NEK7: variants seen among roughly 807,000 people sequenced by gnomAD.
NEK7 encodes serine/threonine-protein kinase Nek7.
A neutral mutation model predicts 44.6 loss-of-function variants in NEK7; 18 were observed. That is an observed-to-expected ratio of 0.40 (90% CI 0.28 to 0.60). The LOEUF (loss-of-function observed/expected upper bound fraction) is 0.60. NEK7 is among the 20% of genes least tolerant of loss of function. NEK7 has a pLI of 0.38. For synonymous variants in NEK7, 130 were observed against 121.1 expected (o/e 1.07, Z -0.48); for missense variants, 256 against 366.5 (o/e 0.70, Z 2.46).
In NEK7 at chr1:198,210,735, G is replaced by A. The variant is rs1454359566; in HGVS notation, c.-28-21818G>A. 1.3e-4 allele frequency among the ~76,000 whole-genome samples: 11 copies of A among 84,832 alleles called. No individual in the cohort carries two copies. In the South Asian group the frequency reaches 4.1e-3, roughly 32 times the overall value. 55.7% of individuals were successfully genotyped at this position (84,832 alleles called of 152,430 possible). ...TTATATGTCATTGTCCCTTCAATTTGTATTTCTTTTTTTTTTTTTTTTTTT... is the reference window on the plus strand; with the variant it reads ...TTATATGTCATTGTCCCTTCAATTTATATTTCTTTTTTTTTTTTTTTTTTT... On this transcript the variant is annotated intron_variant, in intron 1 of 9. Coordinates refer to ENST00000367385, the MANE Select transcript of NEK7 (RefSeq NM_133494.3).
intron 9 of NEK7, among the ~76,000 whole-genome samples, chr1:198,315,657 A>C (rs1655347365): frequency 6.6e-6 from 1 of 152,182 alleles, no homozygotes; most frequent in African/African-American, 2.4e-5. Flanking sequence ...AGGTTTAAGG[A>C]GCCTGAGACC....
At position 198,259,563 on chromosome 1, in the gene NEK7, TATG is replaced by T. The variant is rs141371502; in HGVS notation, c.199-3008_199-3006del. ...ATTTCCTGAGAATGGCATCAGCATT[TATG>T]ATGTGTCAAGAATCAGTTATTTCTC... On this transcript the variant is annotated intron_variant, in intron 3 of 9. Coordinates refer to ENST00000367385, the MANE Select transcript of NEK7 (RefSeq NM_133494.3). Among the ~76,000 whole-genome samples, 1,047 of 152,334 alleles carry T rather than the reference TATG, an allele frequency of 6.9e-3. 10 individuals carry two copies. Among genetic ancestry groups the T allele is most frequent in the African/African-American group, 0.02 (814 of 41,582 alleles).
intron 1 of NEK7, among the ~76,000 whole-genome samples, chr1:198,229,399 C>T (rs1301736882): frequency 6.6e-6 from 1 of 152,166 alleles, no homozygotes; most frequent in East Asian, 1.9e-4. Context: ...GTGAGCCGCT[C>T]TGGCAAATAA....
At chr1:198,229,478 G>A (rs139263818) in intron 1 of NEK7, among the ~76,000 whole-genome samples, 6 of 152,310 alleles carry the variant, frequency 3.9e-5, no homozygotes, top group South Asian at 2.1e-4. Context: ...CCAGAGGCTC[G>A]GACTGTGACT....
rs35485996 is a variant in NEK7 at position 198,217,840 on chromosome 1, TAAA to T, written c.-28-14699_-28-14697del. Among the ~76,000 whole-genome samples, 8 of 107,256 alleles carry T rather than the reference TAAA, an allele frequency of 7.5e-5. No homozygotes were observed. In the East Asian group the frequency reaches 1.5e-3, roughly 20 times the overall value. The allele number at this position is 107,256 out of a possible 152,430, so 70.4% of individuals were successfully genotyped here. A position where few individuals can be genotyped will look rare whatever the true frequency, so the allele number is the denominator to read the frequency against. ...ACACAATCCGTTTTTACAATAGCTA[TAAA>T]AAAAAAAAAAAAAGCCCCAAGCCTA... On this transcript the variant is annotated intron_variant, in intron 1 of 9. Transcript: ENST00000367385.
intron 2 of NEK7, among the ~76,000 whole-genome samples, chr1:198,250,360 C>T (rs1413429355): frequency 6.6e-5 from 10 of 151,868 alleles, no homozygotes; most frequent in African/African-American, 1.7e-4. Context: ...CTTGGCGATG[C>T]GGGCTCTTTT....
intron 3 of NEK7, among the ~76,000 whole-genome samples, chr1:198,259,993 A>G (rs1049277827): frequency 1.3e-5 from 2 of 152,180 alleles, no homozygotes. Flanking sequence ...TGCATTCTGC[A>G]TCTGACACTG....
chr1:198,261,065 A>G (rs1653446442), intron 3 of NEK7, among the ~76,000 whole-genome samples: 1 of 151,970 alleles, frequency 6.6e-6, no homozygotes, highest in Non-Finnish European at 1.5e-5. Flanking sequence ...CTTATTCCAT[A>G]TTTACTTTTA....
intron 1 of NEK7, among the ~76,000 whole-genome samples, chr1:198,169,122 TA>T (rs1205958911): frequency 4.6e-5 from 7 of 152,212 alleles, no homozygotes; most frequent in Admixed American, 6.5e-5. Flanking sequence ...TGTTAGTTTT[TA>T]AAAAAATCTA....
intron 1 of NEK7, among the ~76,000 whole-genome samples, chr1:198,173,999 A>G (rs1432095095): frequency 6.6e-6 from 1 of 152,210 alleles, no homozygotes; most frequent in Non-Finnish European, 1.5e-5. Flanking sequence ...GCATGATTTT[A>G]TAGTCTGTGC....
In NEK7 at chr1:198,321,567, C is replaced by T. The variant is rs778340627; in HGVS notation, c.*2045C>T. 7 of 152,006 alleles carry T rather than the reference C, an allele frequency of 4.6e-5. No homozygotes were observed. The highest frequency in any genetic ancestry group is 8.8e-5 in the Non-Finnish European group (6 of 67,964). The allele number at this position is 152,006 out of a possible 1,614,324, so 9.4% of individuals were successfully genotyped here. ...AGTAACTTTTAAGTAAAGATTAAAG[C>T]TTTTCTTCTCAGTGAATATATCTGC... On this transcript the variant is annotated 3_prime_UTR_variant, in exon 10 of 10. Transcript: ENST00000367385.
At chr1:198,279,629 A>G (rs1047384744) in intron 7 of NEK7, among the ~76,000 whole-genome samples, 1 of 151,942 alleles carries the variant, frequency 6.6e-6, no homozygotes, top group South Asian at 2.1e-4. Flanking sequence ...AGTAAAAGTT[A>G]TGTTAAAAAT....
At chr1:198,272,959 T>C (rs1236223067) in intron 5 of NEK7, among the ~76,000 whole-genome samples, 3 of 151,810 alleles carry the variant, frequency 2.0e-5, no homozygotes, top group Admixed American at 6.6e-5. Context: ...CAAGGTGTAA[T>C]TGCTCATGAA....
At chr1:198,213,919 G>GA (rs1160242806) in intron 1 of NEK7, among the ~76,000 whole-genome samples, 2 of 152,126 alleles carry the variant, frequency 1.3e-5, no homozygotes, top group African/African-American at 2.4e-5. Context: ...AAATATTGGA[G>GA]AAAAAAATTT....
chr1:198,206,276 A>G (rs962488280), intron 1 of NEK7, among the ~76,000 whole-genome samples: 1 of 152,158 alleles, frequency 6.6e-6, no homozygotes, highest in Non-Finnish European at 1.5e-5. Flanking sequence ...AGTAATAACC[A>G]CAACACTGAT....
chr1:198,193,784 A>G (rs1440305725), intron 1 of NEK7, among the ~76,000 whole-genome samples: 3 of 152,182 alleles, frequency 2.0e-5, no homozygotes, highest in Non-Finnish European at 4.4e-5. Context: ...CTAGGTATTG[A>G]AGGAACATAC....
chr1:198,310,264 G>A (rs1476225869), intron 9 of NEK7, among the ~76,000 whole-genome samples: 4 of 152,026 alleles, frequency 2.6e-5, no homozygotes, highest in African/African-American at 9.7e-5. Flanking sequence ...GTCTGTTCAT[G>A]TCCTTCACCC....
chr1:198,273,633 A>G (rs1653922107), intron 5 of NEK7, among the ~76,000 whole-genome samples: 1 of 151,798 alleles, frequency 6.6e-6, no homozygotes, highest in Non-Finnish European at 1.5e-5. Flanking sequence ...TGACCTAATT[A>G]CAAACTTATA....
chr1:198,295,704 A>G (rs1163929383), intron 8 of NEK7, among the ~76,000 whole-genome samples: 2 of 151,574 alleles, frequency 1.3e-5, no homozygotes, highest in Admixed American at 6.6e-5. Flanking sequence ...ATATATGTAC[A>G]TTTACTTAAG....
Sources: allele counts gnomAD v4.1 joint callset (sites outside exome capture counted in the v4.1 genomes callset), GRCh38; gene constraint gnomAD v4.1.1; transcripts MANE v1.5; gene names NCBI Gene and HGNC (gene_info 2026-07-23, HGNC 2026-07-21).